The following PALS2 variants were observed in gnomAD, a reference collection of about 807,000 sequenced individuals.
The protein encoded by PALS2 is protein associated with LIN7 2, MAGUK p55 family member.
A neutral mutation model predicts 61.6 loss-of-function variants in PALS2; 27 were observed. The observed-to-expected ratio is 0.44, with a 90% CI of 0.32 to 0.60. PALS2 has a LOEUF of 0.60. Among genes scored for constraint, PALS2 ranks in the 20% least tolerant of loss-of-function variants. The probability of loss-of-function intolerance (pLI) is 0.05; values close to 1 mark genes in which losing one functional copy is unlikely to be tolerated. For missense variants in PALS2, 554 were observed against 639.4 expected (o/e 0.87, Z 1.44); for synonymous variants, 236 against 218.6 (o/e 1.08, Z -0.70).
chr7:24,604,411 G>A (rs1409940056), intron 1 of PALS2, among the ~76,000 whole-genome samples: 5 of 152,024 alleles, frequency 3.3e-5, no homozygotes, highest in African/African-American at 1.2e-4. Flanking sequence ...CAGAGAAAAT[G>A]TGAAGATCAA....
At chr7:24,598,559 T>G (rs1783603162) in intron 1 of PALS2, among the ~76,000 whole-genome samples, 1 of 152,234 alleles carries the variant, frequency 6.6e-6, no homozygotes, top group African/African-American at 2.4e-5. Flanking sequence ...TAACCAGAAG[T>G]CTTTCATATA....
chr7:24,676,013 G>A (rs1243641830), intron 9 of PALS2, among the ~76,000 whole-genome samples: 1 of 149,640 alleles, frequency 6.7e-6, no homozygotes, highest in Admixed American at 6.6e-5. Flanking sequence ...CACCAACAGT[G>A]TAAAAGTGTT....
At chr7:24,608,959 T>G (rs1220520144) in intron 1 of PALS2, among the ~76,000 whole-genome samples, 1 of 152,178 alleles carries the variant, frequency 6.6e-6, no homozygotes, top group East Asian at 1.9e-4. Context: ...AGGAACTTTC[T>G]TATTTTTTGG....
chr7:24,666,278 A>G (rs1787011304), intron 8 of PALS2, among the ~76,000 whole-genome samples, 189 bp downstream of exon 8: 1 of 152,176 alleles, frequency 6.6e-6, no homozygotes, highest in Non-Finnish European at 1.5e-5. Flanking sequence ...ATATACTACC[A>G]TGTGCTTTAT....
intron 11 of PALS2, among the ~76,000 whole-genome samples, chr7:24,682,472 A>G (rs1030951372): frequency 3.9e-5 from 6 of 152,100 alleles, no homozygotes; most frequent in Admixed American, 6.5e-5. Flanking sequence ...CCTCAACTCA[A>G]GAGTCCTGTA....
chr7:24,632,080 T>A lies in PALS2; in HGVS notation c.117+8296T>A, dbSNP rs115048534. Among the ~76,000 whole-genome samples the A allele has an allele frequency of 5.2e-3, 793 of 152,318 alleles. 7 individuals carry two copies. Among genetic ancestry groups the A allele is most frequent in the African/African-American group, 0.017 (725 of 41,582 alleles). On this transcript the variant is annotated intron_variant, in intron 2 of 11. Coordinates refer to ENST00000222644, the MANE Select transcript of PALS2 (RefSeq NM_001303037.2). ...AACTATAATAGTAGATTAACCTATC[T>A]CTTTTTGCAGTTCTGTCAGATTTTA...
chr7:24,670,145 C>T (rs1319685223), intron 9 of PALS2, among the ~76,000 whole-genome samples: 1 of 152,042 alleles, frequency 6.6e-6, no homozygotes, highest in Non-Finnish European at 1.5e-5. Context: ...CCTGACTGTC[C>T]TTCCAATATA....
intron 9 of PALS2, among the ~76,000 whole-genome samples, chr7:24,669,850 A>C (rs1050580971): frequency 6.6e-6 from 1 of 152,270 alleles, no homozygotes; most frequent in Non-Finnish European, 1.5e-5. Flanking sequence ...AGTGGTTAAC[A>C]GAACAAAAAC....
rs1265008724 is a variant in PALS2 at position 24,648,289 on chromosome 7, C to CTTTTT, written c.271-1307_271-1303dup. Among the ~76,000 whole-genome samples the CTTTTT allele has an allele frequency of 8.4e-5, 10 of 118,740 alleles. No individual in the cohort carries two copies. In the East Asian group the frequency reaches 1.5e-3, roughly 18 times the overall value. The allele number at this position is 118,740 out of a possible 152,430, so 77.9% of individuals were successfully genotyped here. On this transcript the variant is annotated intron_variant, in intron 3 of 11. Coordinates refer to ENST00000222644, the MANE Select transcript of PALS2 (RefSeq NM_001303037.2). ...ATGCACAGTTGCAGTAAAAATTATT[C>CTTTTT]TTTTTTTTTTTTTTTTTTTTGAGAC...
At chr7:24,605,574 T>C (rs1475970034) in intron 1 of PALS2, among the ~76,000 whole-genome samples, 1 of 151,998 alleles carries the variant, frequency 6.6e-6, no homozygotes, top group Non-Finnish European at 1.5e-5. Flanking sequence ...AATATGTAAA[T>C]ATGTAAGAAT....
intron 11 of PALS2, among the ~76,000 whole-genome samples, chr7:24,683,522 CTTT>C (rs749237062): frequency 6.9e-6 from 1 of 143,978 alleles, no homozygotes. Context: ...CCCTTGAGAC[CTTT>C]TTTTTTTTTC....
At chr7:24,582,700 T>A (rs2128040053) in intron 1 of PALS2, among the ~76,000 whole-genome samples, 1 of 152,020 alleles carries the variant, frequency 6.6e-6, no homozygotes, top group South Asian at 2.1e-4. Flanking sequence ...AATAAAAAAT[T>A]ATTTGCTTTT....
rs1212673403 is a variant in PALS2, at chr7:24,649,730, T to C, written c.389T>C (p.Ile130Thr). Residue 130 changes from isoleucine to threonine, a missense_variant, in exon 4 of 12, where the codon ATT becomes ACT. By Grantham distance (89) the Ile-to-Thr change is moderately conservative. Transcript: ENST00000222644. ...TTATTACCAGTAGATGCCATTCGTA[T>C]TCTTGGTATTCACAAAAGAGCTGGG... ...NQLLPVDAIR[I>T]LGIHKRAGEP... 2 of 1,610,316 alleles carry C rather than the reference T, an allele frequency of 1.2e-6. No homozygotes were observed. The highest frequency in any genetic ancestry group is 1.7e-6 in the Non-Finnish European group (2 of 1,178,374).
chr7:24,666,091 T>C lies in PALS2; in HGVS notation c.952+2T>C. The C allele has an allele frequency of 1.2e-6, 2 of 1,608,374 alleles. No homozygotes were observed. The highest frequency in any genetic ancestry group is 1.7e-6 in the Non-Finnish European group (2 of 1,176,078). On this transcript the variant is annotated splice_donor_variant, in intron 8 of 11. Coordinates refer to ENST00000222644, the MANE Select transcript of PALS2 (RefSeq NM_001303037.2). LOFTEE classifies it high-confidence loss of function. ...TGTATCTCACAACCAGAAATGCAGG[T>C]AGGTTTTAAATACTTTTTGAGAAGT...
chr7:24,619,358 G>T (rs755873059), intron 1 of PALS2, among the ~76,000 whole-genome samples: 1 of 152,000 alleles, frequency 6.6e-6, no homozygotes, highest in Non-Finnish European at 1.5e-5. Flanking sequence ...GTGATTCATG[G>T]TTTATTCATA....
At chr7:24,662,768 GAAAAAAAAAAAAA>G (rs59367702) in intron 5 of PALS2, among the ~76,000 whole-genome samples, 1 of 102,614 alleles carries the variant, frequency 9.7e-6, no homozygotes, top group Non-Finnish European at 2.3e-5. Flanking sequence ...GACTCCATCT[GAAAAAAAAAAAAA>G]AAAAAAAAAA....
chr7:24,626,306 A>G (rs1784740317), intron 2 of PALS2, among the ~76,000 whole-genome samples: 1 of 152,162 alleles, frequency 6.6e-6, no homozygotes, highest in African/African-American at 2.4e-5. Flanking sequence ...CTAATAGAGA[A>G]GAAAGAATGA....
chr7:24,640,835 T>C (rs180841373), intron 2 of PALS2, among the ~76,000 whole-genome samples: 6,859 of 151,778 alleles, frequency 0.045, 167 homozygotes, highest in Admixed American at 0.075. Flanking sequence ...GGTGAAACCC[T>C]GTCTCTACTA....
chr7:24,591,177 A>G (rs1783271968), intron 1 of PALS2, among the ~76,000 whole-genome samples: 1 of 152,104 alleles, frequency 6.6e-6, no homozygotes, highest in African/African-American at 2.4e-5. Flanking sequence ...TGTGTCTAAT[A>G]GTTTTGAGGT....
Sources: allele counts gnomAD v4.1 joint callset (sites outside exome capture counted in the v4.1 genomes callset), GRCh38; gene constraint gnomAD v4.1.1; transcripts MANE v1.5; gene names NCBI Gene and HGNC (gene_info 2026-07-23, HGNC 2026-07-21).